Variants in MFSD6 observed in about 807,000 individuals in gnomAD.
MFSD6 encodes the protein major facilitator superfamily domain containing 6.
A neutral mutation model predicts 56.3 loss-of-function variants in MFSD6; 26 were observed. The ratio of observed to expected loss-of-function variants is 0.46; its 90% CI spans 0.34 to 0.64. The LOEUF (loss-of-function observed/expected upper bound fraction) is 0.64. Ranked by LOEUF, MFSD6 falls within the 30% of genes least tolerant of loss-of-function variation. The pLI is 0.01. For synonymous variants in MFSD6, 331 were observed against 366.9 expected (o/e 0.90, Z 1.12); for missense variants, 750 against 986.2 (o/e 0.76, Z 3.21).
chr2:190,411,100 A>G (rs1690542441), intron 1 of MFSD6: 2 of 983,544 alleles, frequency 2.0e-6, no homozygotes, highest in Non-Finnish European at 2.4e-6. Context: ...ATTTATATAC[A>G]TTTGTTTAAA....
In MFSD6 at chr2:190,497,683, A is replaced by G. The variant is rs1689780401; in HGVS notation, c.2136A>G (p.Thr712=). The change falls in exon 7 of 8, where the codon ACA becomes ACG. Residue 712 remains threonine (T), a synonymous_variant. Transcript: ENST00000392328. This position sits in a 1 kb window ranked among gnomAD's most constrained non-coding sequence, Gnocchi z 5.2. ...LYQIKEMMQL[T]RDNRASEIQP... ...AAATTAAAGAGATGATGCAACTCAC[A>G]AGAGACAACCGTGCTTCTGAGATAC... 4 of 1,614,126 alleles carry G rather than the reference A, an allele frequency of 2.5e-6. No homozygotes were observed. In the East Asian group the frequency reaches 6.7e-5, roughly 27 times the overall value.
chr2:190,456,827 C>T lies in MFSD6; in HGVS notation c.1533-12931C>T, dbSNP rs1270456022. On this transcript the variant is annotated intron_variant, in intron 3 of 7. Transcript: ENST00000392328. This position sits in a 1 kb window ranked among gnomAD's most constrained non-coding sequence, Gnocchi z 5.4. ...TACCTCAGCAGAAATGATCTTTCAG[C>T]GCATTTCTTCTCATAACACAGAATT... Among the ~76,000 whole-genome samples, 2 of 152,176 alleles carry T rather than the reference C, an allele frequency of 1.3e-5. No individual in the cohort carries two copies. Among genetic ancestry groups the T allele is most frequent in the Admixed American group, 6.5e-5 (1 of 15,268 alleles).
rs1686195066 is a variant in MFSD6, at chr2:190,436,889, T to C, written c.860T>C (p.Ile287Thr). 6.2e-7 allele frequency: 1 copy of C among 1,614,246 alleles called. No individual in the cohort carries two copies. Among genetic ancestry groups the C allele is most frequent in the Non-Finnish European group, 8.5e-7 (1 of 1,180,034 alleles). ...LVYDQQEVEA[I>T]FLVILVVVII... ...TATGATCAACAAGAAGTTGAAGCTA[T>C]ATTCTTGGTGATCTTGGTAGTTGTC... The change falls in exon 3 of 8, where the codon ATA (isoleucine) becomes ACA (threonine). Residue 287 changes from isoleucine to threonine, a missense_variant. By Grantham distance (89) the Ile-to-Thr change is moderately conservative (BLOSUM62 -1). Around this residue, in one of 5 missense-constraint regions of MFSD6, gnomAD observed 376 missense variants for 437.9 expected, o/e 0.86. Transcript: ENST00000392328. This position sits in a 1 kb window ranked among gnomAD's most constrained non-coding sequence, Gnocchi z 5.3.
chr2:190,489,991 T>C lies in MFSD6; in HGVS notation c.1891+125T>C. The C allele has an allele frequency of 1.4e-6, 1 of 709,492 alleles. No homozygotes were observed. Among genetic ancestry groups the C allele is most frequent in the South Asian group, 2.1e-5 (1 of 48,250 alleles). The allele number at this position is 709,492 out of a possible 1,614,324, so 43.9% of individuals were successfully genotyped here. On this transcript the variant is annotated intron_variant, in intron 6 of 7. Coordinates refer to ENST00000392328, the MANE Select transcript of MFSD6 (RefSeq NM_017694.4). This position sits in a 1 kb window ranked among gnomAD's most constrained non-coding sequence, Gnocchi z 6.6. ...GGTCTGTTTGGCTCAATTTTCTGAG[T>C]GGCGTATCGATGAATTCATGTGGAC...
chr2:190,409,518 G>A (rs1242111586), intron 1 of MFSD6, among the ~76,000 whole-genome samples: 1 of 152,084 alleles, frequency 6.6e-6, no homozygotes, highest in East Asian at 1.9e-4. Flanking sequence ...CTGAGCCCCA[G>A]TTTTCTCACA....
In MFSD6 at chr2:190,438,474, C is replaced by T. The variant is rs1356852517; in HGVS notation, c.1532+913C>T. Among the ~76,000 whole-genome samples the T allele has an allele frequency of 6.6e-6, 1 of 152,212 alleles. No homozygotes were observed. The highest frequency in any genetic ancestry group is 1.5e-5 in the Non-Finnish European group (1 of 68,044). On this transcript the variant is annotated intron_variant, in intron 3 of 7. Transcript: ENST00000392328. The surrounding 1 kb of genome is among the most constrained non-coding windows in gnomAD (Gnocchi z 5.2). ...GAGGTTGCAGTGAGTCAAGATCACA[C>T]CACTGCACACCAGCCTGGGCAACAG...
chr2:190,483,575 G>A (rs759328934), intron 4 of MFSD6, among the ~76,000 whole-genome samples: 2 of 152,112 alleles, frequency 1.3e-5, no homozygotes, highest in Admixed American at 6.5e-5. Flanking sequence ...AGTGGCTCAC[G>A]CCCGTAATCC....
rs1689735643 is a variant in MFSD6, at chr2:190,497,013, A to C, written c.1892-426A>C. On this transcript the variant is annotated intron_variant, in intron 6 of 7. Coordinates refer to ENST00000392328, the MANE Select transcript of MFSD6 (RefSeq NM_017694.4). The surrounding 1 kb of genome is among the most constrained non-coding windows in gnomAD (Gnocchi z 5.2). ...AAATCTCACAAATCACCATTAGAGA[A>C]CTTACGTAACCAAATACCACCTGTT... Among the ~76,000 whole-genome samples the C allele has an allele frequency of 6.6e-6, 1 of 152,146 alleles. No homozygotes were observed. Among genetic ancestry groups the C allele is most frequent in the Non-Finnish European group, 1.5e-5 (1 of 68,030 alleles).
intron 3 of MFSD6, among the ~76,000 whole-genome samples, chr2:190,440,927 A>G (rs1233731178): frequency 6.6e-6 from 1 of 152,188 alleles, no homozygotes; most frequent in Non-Finnish European, 1.5e-5. Context: ...GAACCAGAAC[A>G]GATAGCAAGA....
Position 190,413,459 on chromosome 2 carries a change from A to C in MFSD6, c.-175-1833A>C, listed in dbSNP as rs1187307588. ...AGACCAATTCAGGAAACATTTGGCA[A>C]GTACAAAACAGGAAAGGCCAGCTCT... On this transcript the variant is annotated intron_variant, in intron 1 of 7. Coordinates refer to ENST00000392328, the MANE Select transcript of MFSD6 (RefSeq NM_017694.4). This position sits in a 1 kb window ranked among gnomAD's most constrained non-coding sequence, Gnocchi z 4.1. Among the ~76,000 whole-genome samples, 1 of 152,212 alleles carries C rather than the reference A, an allele frequency of 6.6e-6. No individual in the cohort carries two copies. Among genetic ancestry groups the C allele is most frequent in the Non-Finnish European group, 1.5e-5 (1 of 68,042 alleles).
At chr2:190,468,453 A>AT (rs139847075) in intron 3 of MFSD6, among the ~76,000 whole-genome samples, 31,527 of 140,018 alleles carry the variant, frequency 0.23, 4,092 homozygotes, top group South Asian at 0.32. Context: ...ATAGGAATGA[A>AT]TTTTTTTTTT....
In MFSD6 at chr2:190,499,117, C is replaced by T. The variant is rs922846997; in HGVS notation, c.2173-898C>T. 1.3e-5 allele frequency among the ~76,000 whole-genome samples: 2 copies of T among 152,124 alleles called. No homozygotes were observed. Among genetic ancestry groups the T allele is most frequent in the African/African-American group, 4.8e-5 (2 of 41,496 alleles). On this transcript the variant is annotated intron_variant, in intron 7 of 7. Transcript: ENST00000392328. The surrounding 1 kb of genome is among the most constrained non-coding windows in gnomAD (Gnocchi z 6.0). ...GAGCCAAGGTCACGCCACTGCACTC[C>T]GGCCTAGGCGACAGAGTGAGACTCC...
In MFSD6 at chr2:190,500,636, G is replaced by T. The variant is rs1332635585; in HGVS notation, c.*418G>T. ...TTATTTGGTTCCTAACACAAACTGG[G>T]AAGAGATAGAATTCATCTATACTTT... On this transcript the variant is annotated 3_prime_UTR_variant, in exon 8 of 8. Transcript: ENST00000392328. This position sits in a 1 kb window ranked among gnomAD's most constrained non-coding sequence, Gnocchi z 5.3. 1.2e-5 allele frequency: 2 copies of T among 161,754 alleles called. No homozygotes were observed. Among genetic ancestry groups the T allele is most frequent in the Non-Finnish European group, 2.7e-5 (2 of 73,628 alleles). 10.0% of individuals were successfully genotyped at this position (161,754 alleles called of 1,614,324 possible). A position where few individuals can be genotyped will look rare whatever the true frequency, so the allele number is the denominator to read the frequency against.
rs1212768203 is a variant in MFSD6, at chr2:190,498,609, TA to T, written c.2172+892del. Among the ~76,000 whole-genome samples the T allele has an allele frequency of 5.3e-4, 80 of 152,340 alleles. No homozygotes were observed. Among genetic ancestry groups the T allele is most frequent in the Admixed American group, 2.2e-3 (34 of 15,300 alleles). On this transcript the variant is annotated intron_variant, in intron 7 of 7. Transcript: ENST00000392328. The surrounding 1 kb of genome is among the most constrained non-coding windows in gnomAD (Gnocchi z 5.9). ...CTAGTCCATGCATGATCCTATTTAT[TA>T]ATTTATCAAGATAATAAACTCACAT...
At chr2:190,432,390 A>G (rs746002461) in intron 2 of MFSD6, among the ~76,000 whole-genome samples, 3 of 152,108 alleles carry the variant, frequency 2.0e-5, no homozygotes, top group Non-Finnish European at 4.4e-5. Flanking sequence ...TTGGTGCTCT[A>G]TGGCCAGAAA....
rs1412175122 is a variant in MFSD6, at chr2:190,459,814, T to C, written c.1533-9944T>C. Among the ~76,000 whole-genome samples, 2 of 152,192 alleles carry C rather than the reference T, an allele frequency of 1.3e-5. No individual in the cohort carries two copies. Among genetic ancestry groups the C allele is most frequent in the African/African-American group, 4.8e-5 (2 of 41,446 alleles). ...AGCTAGTAGAGACTCAGACCCAAATTACTTTTACCTTTTCTCTTTCTAGCA... is the reference window on the plus strand; with the variant it reads ...AGCTAGTAGAGACTCAGACCCAAATCACTTTTACCTTTTCTCTTTCTAGCA... On this transcript the variant is annotated intron_variant, in intron 3 of 7. Coordinates refer to ENST00000392328, the MANE Select transcript of MFSD6 (RefSeq NM_017694.4). The surrounding 1 kb of genome is among the most constrained non-coding windows in gnomAD (Gnocchi z 5.3).
In MFSD6 at chr2:190,433,368, G is replaced by A. The variant is rs1686071764; in HGVS notation, c.-53-2609G>A. The A allele has an allele frequency of 6.6e-6, 1 of 152,162 alleles. No homozygotes were observed. The highest frequency in any genetic ancestry group is 1.5e-5 in the Non-Finnish European group (1 of 68,020). 9.4% of individuals were successfully genotyped at this position (152,162 alleles called of 1,614,324 possible). A position where few individuals can be genotyped will look rare whatever the true frequency, so the allele number is the denominator to read the frequency against. ...GGAGCCGCTGAGCTGGATAGGTGAAGGCACTAATGATGAAGGAAAAATAGG... is the reference window on the plus strand; with the variant it reads ...GGAGCCGCTGAGCTGGATAGGTGAAAGCACTAATGATGAAGGAAAAATAGG... On this transcript the variant is annotated intron_variant, in intron 2 of 7. Transcript: ENST00000392328. The surrounding 1 kb of genome is among the most constrained non-coding windows in gnomAD (Gnocchi z 4.5).
At chr2:190,476,605 G>A (rs1688332544) in intron 4 of MFSD6, among the ~76,000 whole-genome samples, 1 of 152,180 alleles carries the variant, frequency 6.6e-6, no homozygotes. Context: ...CACTGTTGGT[G>A]GGACTGTAAA....
intron 3 of MFSD6, among the ~76,000 whole-genome samples, chr2:190,466,586 T>A (rs767111513): frequency 2.6e-5 from 4 of 152,228 alleles, no homozygotes; most frequent in African/African-American, 4.8e-5. Flanking sequence ...ATGATGATGA[T>A]GAATCATTTA....
Sources: gnomAD v4.1 joint callset for allele counts (sites outside exome capture counted in the v4.1 genomes callset) on GRCh38, gnomAD v4.1.1 for gene constraint, gnomAD v4.1.1 regional missense constraint, Gnocchi (gnomAD v3.1) non-coding constraint, MANE v1.5 for transcripts, NCBI Gene and HGNC (gene_info 2026-07-23, HGNC 2026-07-21) for gene names.